PIK3CB: variants seen among roughly 807,000 people sequenced by gnomAD.
PIK3CB encodes phosphatidylinositol 4,5-bisphosphate 3-kinase catalytic subunit beta isoform.
A neutral mutation model predicts 136.8 loss-of-function variants in PIK3CB; 39 were observed. The ratio of observed to expected loss-of-function variants is 0.29; its 90% CI spans 0.22 to 0.37. PIK3CB has a LOEUF of 0.37. Ranked by LOEUF, PIK3CB falls within the 10% of genes least tolerant of loss-of-function variation. The pLI is 1.00. For synonymous variants in PIK3CB, 428 were observed against 436.6 expected (o/e 0.98, Z 0.25); for missense variants, 868 against 1,275.4 (o/e 0.68, Z 4.87).
chr3:138,758,873 A>AG (rs962828892), intron 3 of PIK3CB, among the ~76,000 whole-genome samples: 2 of 152,214 alleles, frequency 1.3e-5, no homozygotes, highest in African/African-American at 4.8e-5. Context: ...AGTCAAGGAA[A>AG]GGGGGAAGAG....
At chr3:138,826,790 C>T (rs1933804748) in intron 1 of PIK3CB, among the ~76,000 whole-genome samples, 1 of 152,126 alleles carries the variant, frequency 6.6e-6, no homozygotes, top group Non-Finnish European at 1.5e-5. Flanking sequence ...AATTCCTGGC[C>T]AGGCGCAGTG....
chr3:138,713,000 G>A (rs961143738), intron 9 of PIK3CB, among the ~76,000 whole-genome samples: 1 of 152,016 alleles, frequency 6.6e-6, no homozygotes, highest in Non-Finnish European at 1.5e-5. Context: ...TCTCTAAAAA[G>A]GAGGCATTGA....
rs199788673 is a variant in PIK3CB, at chr3:138,795,762, T to C, written c.-17+701A>G. Among the ~76,000 whole-genome samples the C allele has an allele frequency of 2.0e-5, 3 of 152,356 alleles. No homozygotes were observed. In the East Asian group the frequency reaches 5.8e-4, roughly 29 times the overall value. On this transcript the variant is annotated intron_variant, in intron 2 of 23. Transcript: ENST00000674063. ...GCAGCTATATTACATATGGGTTTAA[T>C]AAATGAAATAGCTGAAATATTTAGA...
chr3:138,831,899 CAG>C (rs1044249364), intron 1 of PIK3CB, among the ~76,000 whole-genome samples: 17 of 152,124 alleles, frequency 1.1e-4, no homozygotes, highest in African/African-American at 3.4e-4. Context: ...AGCCTGGCGA[CAG>C]AGAGAGACTC....
chr3:138,769,444 A>G (rs1221589882), intron 2 of PIK3CB, among the ~76,000 whole-genome samples: 1 of 152,216 alleles, frequency 6.6e-6, no homozygotes, highest in African/African-American at 2.4e-5. Context: ...AGAGGAATGT[A>G]AACCCAGTAT....
intron 2 of PIK3CB, among the ~76,000 whole-genome samples, chr3:138,795,750 A>G (rs1410442291): frequency 2.0e-5 from 3 of 152,238 alleles, no homozygotes; most frequent in Admixed American, 1.3e-4. Context: ...GCTATATTAC[A>G]TATGGGTTTA....
chr3:138,723,814 T>C (rs940966785), intron 8 of PIK3CB, among the ~76,000 whole-genome samples: 4 of 152,194 alleles, frequency 2.6e-5, no homozygotes, highest in Non-Finnish European at 5.9e-5. Flanking sequence ...TTTAATTTCC[T>C]TCTTGTTCCA....
At chr3:138,833,351 G>C (rs1934126873) in intron 1 of PIK3CB, among the ~76,000 whole-genome samples, 1 of 152,110 alleles carries the variant, frequency 6.6e-6, no homozygotes, top group African/African-American at 2.4e-5. Context: ...ACAGGCGTGA[G>C]CCAACGCACC....
intron 2 of PIK3CB, among the ~76,000 whole-genome samples, chr3:138,777,607 C>A (rs2045874303): frequency 6.6e-6 from 1 of 152,146 alleles, no homozygotes; most frequent in South Asian, 2.1e-4. Context: ...TTCCTGACTG[C>A]AGAACCAGAG....
chr3:138,828,852 A>G (rs1200657330), intron 1 of PIK3CB, among the ~76,000 whole-genome samples: 1 of 151,624 alleles, frequency 6.6e-6, no homozygotes, highest in Non-Finnish European at 1.5e-5. Flanking sequence ...GCAATGGTGC[A>G]CCTTGGCTCA....
intron 1 of PIK3CB, among the ~76,000 whole-genome samples, 191 bp downstream of exon 1, chr3:138,834,504 C>A (rs551022361): frequency 6.6e-6 from 1 of 152,184 alleles, no homozygotes; most frequent in East Asian, 1.9e-4. Flanking sequence ...CCAAGCCAGA[C>A]GCCCCCACCG....
intron 14 of PIK3CB, among the ~76,000 whole-genome samples, chr3:138,693,936 A>ACT (rs2044064293): frequency 1.5e-5 from 1 of 64,604 alleles, no homozygotes. Context: ...ATTTGCTTAA[A>ACT]ATATATATAT....
At chr3:138,714,976 T>C (rs997873537) in intron 8 of PIK3CB, among the ~76,000 whole-genome samples, 2 of 152,192 alleles carry the variant, frequency 1.3e-5, no homozygotes, top group African/African-American at 4.8e-5. Flanking sequence ...GTAAACCAGC[T>C]ATAAAATCAC....
intron 1 of PIK3CB, among the ~76,000 whole-genome samples, chr3:138,828,420 T>C (rs932600166): frequency 2.0e-5 from 3 of 151,830 alleles, no homozygotes; most frequent in East Asian, 3.9e-4. Flanking sequence ...CTCCTGACCT[T>C]GTGATCCGCC....
intron 8 of PIK3CB, among the ~76,000 whole-genome samples, chr3:138,715,475 G>A (rs1047715380): frequency 2.0e-5 from 3 of 152,146 alleles, no homozygotes; most frequent in Non-Finnish European, 4.4e-5. Flanking sequence ...TTATTCAGAT[G>A]TGATACTAGC....
chr3:138,825,289 T>C, intron 1 of PIK3CB: 2 of 479,550 alleles, frequency 4.2e-6, no homozygotes, highest in Non-Finnish European at 7.6e-6. Context: ...GCTGTTCTGA[T>C]TGTTGCTGCT....
intron 2 of PIK3CB, chr3:138,770,032 T>G (rs2045780938): frequency 6.6e-6 from 1 of 152,208 alleles, no homozygotes; most frequent in South Asian, 2.1e-4. Flanking sequence ...TTAAAGGAAA[T>G]GTCTTTTCAC....
In PIK3CB at chr3:138,654,730, A is replaced by G. The variant is rs1483883891; in HGVS notation, c.*659T>C. On this transcript the variant is annotated 3_prime_UTR_variant, in exon 24 of 24. Transcript: ENST00000674063. ...AACATTTATATAGAACTCCCACTAG[A>G]AATTTTATAAATATATATGTAGCAT... The G allele has an allele frequency of 4.6e-6, 1 of 215,466 alleles. No individual in the cohort carries two copies. Among genetic ancestry groups the G allele is most frequent in the Non-Finnish European group, 9.4e-6 (1 of 106,800 alleles). 13.3% of individuals were successfully genotyped at this position (215,466 alleles called of 1,614,324 possible).
intron 8 of PIK3CB, among the ~76,000 whole-genome samples, chr3:138,727,993 G>A (rs1273251408): frequency 2.6e-5 from 4 of 151,862 alleles, no homozygotes; most frequent in African/African-American, 4.8e-5. Context: ...TCCTGACCTC[G>A]AGATCCGCCC....
Sources: allele counts gnomAD v4.1 joint callset (sites outside exome capture counted in the v4.1 genomes callset), GRCh38; gene constraint gnomAD v4.1.1; transcripts MANE v1.5; gene names NCBI Gene and HGNC (gene_info 2026-07-23, HGNC 2026-07-21).